The following TRHDE variants were observed in gnomAD, a reference collection of about 807,000 sequenced individuals.
TRHDE encodes the protein thyrotropin-releasing hormone-degrading ectoenzyme.
Under a neutral mutation model 125.7 loss-of-function variants are expected in TRHDE, and 72 were observed. The observed-to-expected ratio is 0.57, with a 90% CI of 0.47 to 0.70. TRHDE has a LOEUF of 0.70. Ranked by LOEUF, TRHDE falls within the 30% of genes least tolerant of loss-of-function variation. TRHDE has a pLI of 0.00. For synonymous variants in TRHDE, 509 were observed against 509.1 expected, an observed-to-expected ratio of 1.00 and a Z score of 0.00; for missense variants, 1,110 against 1,327.1, an observed-to-expected ratio of 0.84 and a Z score of 2.54.
intron 2 of TRHDE, among the ~76,000 whole-genome samples, chr12:72,163,893 C>A (rs1876688604): frequency 6.6e-6 from 1 of 152,172 alleles, no homozygotes; most frequent in Admixed American, 6.5e-5. Flanking sequence ...GGGTGAATAA[C>A]CTGAGGTCAG....
intron 2 of TRHDE, among the ~76,000 whole-genome samples, chr12:72,337,373 A>G (rs1426118665): frequency 2.6e-5 from 4 of 152,204 alleles, no homozygotes; most frequent in Admixed American, 6.5e-5. Flanking sequence ...GCTTTGCCCC[A>G]GTATATCCCA....
Position 72,272,623 on chromosome 12 carries a change from G to T in TRHDE, c.-21G>T. 1 of 880,992 alleles carries T rather than the reference G, an allele frequency of 1.1e-6. No individual in the cohort carries two copies. Among genetic ancestry groups the T allele is most frequent in the Non-Finnish European group, 1.6e-6 (1 of 608,158 alleles). 54.6% of individuals were successfully genotyped at this position (880,992 alleles called of 1,614,324 possible). ...CGCGGGGGGTGCCAGAGGGGGCGGG[G>T]GAGGAGGAGGAGGCGGTGTGATGGC... On this transcript the variant is annotated 5_prime_UTR_variant, in exon 1 of 19. Transcript: ENST00000261180. This position sits in a 1 kb window ranked among gnomAD's most constrained non-coding sequence, Gnocchi z 6.7.
Position 72,665,889 on chromosome 12 carries a change from T to C in TRHDE, c.*2694T>C, listed in dbSNP as rs1207432257. The C allele has an allele frequency of 6.6e-6, 1 of 152,064 alleles. No homozygotes were observed. The highest frequency in any genetic ancestry group is 1.5e-5 in the Non-Finnish European group (1 of 67,974). The allele number at this position is 152,064 out of a possible 1,614,324, so 9.4% of individuals were successfully genotyped here. On this transcript the variant is annotated 3_prime_UTR_variant, in exon 19 of 19. Transcript: ENST00000261180. Reference sequence around the variant, plus strand: ...TTTCTTAAAATTTTTCTATAATCTTTGAAGTTTCTAAAATACACAATCTCA... The same window carrying C: ...TTTCTTAAAATTTTTCTATAATCTTCGAAGTTTCTAAAATACACAATCTCA...
intron 2 of TRHDE, among the ~76,000 whole-genome samples, chr12:72,184,665 C>A (rs899408010): frequency 1.3e-5 from 2 of 152,142 alleles, no homozygotes; most frequent in Non-Finnish European, 2.9e-5. Context: ...CCTCCTCCCT[C>A]ATAGAATGCA....
intron 3 of TRHDE, among the ~76,000 whole-genome samples, chr12:72,434,588 C>A (rs1874655082): frequency 1.3e-5 from 2 of 151,814 alleles, no homozygotes; most frequent in African/African-American, 4.8e-5. Context: ...AAATTCCTGT[C>A]AAAAATAAAG....
At chr12:72,566,719 T>C (rs1235098080) in intron 9 of TRHDE, among the ~76,000 whole-genome samples, 2 of 151,984 alleles carry the variant, frequency 1.3e-5, no homozygotes, top group Non-Finnish European at 2.9e-5. Context: ...CAATTTTCTA[T>C]ATTCTTTGCC....
chr12:72,659,723 T>C (rs1368684973), intron 18 of TRHDE, among the ~76,000 whole-genome samples: 1 of 152,146 alleles, frequency 6.6e-6, no homozygotes, highest in African/African-American at 2.4e-5. Context: ...ACAAACAACA[T>C]TGCCATTTTA....
intron 15 of TRHDE, among the ~76,000 whole-genome samples, chr12:72,648,647 A>T (rs11179303): frequency 0.012 from 1,882 of 152,122 alleles, 21 homozygotes; most frequent in Non-Finnish European, 0.018. Context: ...TCACAACAGC[A>T]CCAAAAATAA....
intron 2 of TRHDE, among the ~76,000 whole-genome samples, chr12:72,239,814 T>C (rs189738437): frequency 1.1e-3 from 161 of 152,310 alleles, no homozygotes; most frequent in African/African-American, 3.7e-3. Flanking sequence ...AAGTCTTGAA[T>C]AGATCAAGTC....
chr12:72,561,578 T>C (rs947691031), intron 7 of TRHDE, among the ~76,000 whole-genome samples: 1 of 152,138 alleles, frequency 6.6e-6, no homozygotes, highest in African/African-American at 2.4e-5. Flanking sequence ...GCCCAAAATG[T>C]TAAATAAACT....
chr12:72,224,166 G>GTATCTATC (rs368211232), intron 2 of TRHDE, among the ~76,000 whole-genome samples: 1,614 of 61,886 alleles, frequency 0.026, 56 homozygotes, highest in East Asian at 0.079. Flanking sequence ...ATGTATGTAT[G>GTATCTATC]TATCTATCTA....
chr12:72,645,416 T>A (rs529002890), intron 15 of TRHDE, among the ~76,000 whole-genome samples: 1 of 152,226 alleles, frequency 6.6e-6, no homozygotes, highest in South Asian at 2.1e-4. Context: ...AAAAATTTAC[T>A]TAAAAGAGCA....
intron 2 of TRHDE, among the ~76,000 whole-genome samples, chr12:72,365,898 G>A (rs901600987): frequency 5.9e-5 from 9 of 152,098 alleles, no homozygotes; most frequent in Admixed American, 3.9e-4. Flanking sequence ...GGTCCCTGTG[G>A]AGGCTCTGTG....
At chr12:72,276,813 A>C (rs1277867593) in intron 1 of TRHDE, among the ~76,000 whole-genome samples, 1 of 152,232 alleles carries the variant, frequency 6.6e-6, no homozygotes, top group Non-Finnish European at 1.5e-5. Context: ...GGCAGAATAC[A>C]TACTCACTTT....
At chr12:72,281,867 C>T (rs934038994) in intron 1 of TRHDE, among the ~76,000 whole-genome samples, 15 of 152,088 alleles carry the variant, frequency 9.9e-5, no homozygotes, top group African/African-American at 2.4e-4. Context: ...AGTGAACTTC[C>T]GCAGAAATAA....
intron 12 of TRHDE, among the ~76,000 whole-genome samples, chr12:72,600,770 A>ATC (rs1872176194): frequency 6.6e-6 from 1 of 151,950 alleles, no homozygotes; most frequent in Non-Finnish European, 1.5e-5. Flanking sequence ...ATGACAACAC[A>ATC]TCTATTTACA....
At chr12:72,151,879 GC>G (rs1157882477) in intron 2 of TRHDE, among the ~76,000 whole-genome samples, 1 of 152,142 alleles carries the variant, frequency 6.6e-6, no homozygotes, top group Admixed American at 6.5e-5. Context: ...GGCAATGCAG[GC>G]TCTTTTTTGG....
intron 15 of TRHDE, among the ~76,000 whole-genome samples, chr12:72,631,877 G>A (rs1245767880): frequency 6.6e-6 from 1 of 151,920 alleles, no homozygotes; most frequent in African/African-American, 2.4e-5. Flanking sequence ...CCAGTCTGAG[G>A]AATCAGCCTT....
chr12:72,426,133 T>A (rs914445013), intron 3 of TRHDE, among the ~76,000 whole-genome samples: 1 of 152,070 alleles, frequency 6.6e-6, no homozygotes, highest in East Asian at 1.9e-4. Context: ...TCAAGGTAGA[T>A]TTGGTTTTAA....
Sources: gnomAD v4.1 joint callset for allele counts (sites outside exome capture counted in the v4.1 genomes callset) on GRCh38, gnomAD v4.1.1 for gene constraint, Gnocchi (gnomAD v3.1) non-coding constraint, MANE v1.5 for transcripts, NCBI Gene and HGNC (gene_info 2026-07-23, HGNC 2026-07-21) for gene names.